The following IGSF10 variants were observed in gnomAD, a reference collection of about 807,000 sequenced individuals.
IGSF10 encodes the protein immunoglobulin superfamily member 10.
Under a neutral mutation model 128.2 loss-of-function variants are expected in IGSF10, and 126 were observed. The observed-to-expected ratio is 0.98, with a 90% CI of 0.85 to 1.14. The LOEUF is 1.14. Ranked by LOEUF, IGSF10 falls within the 50% of genes most tolerant of loss-of-function variation. The pLI, the probability that IGSF10 is intolerant of heterozygous loss-of-function variation, is 0.00. For synonymous variants in IGSF10, 1,185 were observed against 1,146.2 expected, an observed-to-expected ratio of 1.03 and a Z score of -0.68; for missense variants, 3,295 against 3,149.8, an observed-to-expected ratio of 1.05 and a Z score of -1.10.
At chr3:151,493,297 A>C in the IGSF10 span, among the ~76,000 whole-genome samples, 5 of 152,166 alleles carry the variant, frequency 3.3e-5, no homozygotes, top group African/African-American at 1.2e-4. Context: ...TCTTGTCACT[A>C]AAGTAACAAT....
the IGSF10 span, among the ~76,000 whole-genome samples, chr3:151,534,801 ATGTGTGTG>A: frequency 1.7e-4 from 26 of 149,182 alleles, no homozygotes; most frequent in South Asian, 5.0e-3. Context: ...TTTAAAGTGT[ATGTGTGTG>A]TGTGTGTGTG....
At chr3:151,564,933 T>C in the IGSF10 span, among the ~76,000 whole-genome samples, 2 of 152,188 alleles carry the variant, frequency 1.3e-5, no homozygotes, top group Admixed American at 1.3e-4. Flanking sequence ...AGATTTCTTA[T>C]AGGTATCAGT....
At chr3:151,543,657 G>T in the IGSF10 span, among the ~76,000 whole-genome samples, 1 of 152,110 alleles carries the variant, frequency 6.6e-6, no homozygotes. Flanking sequence ...TGTCAGCAGG[G>T]CAATTACACC....
In IGSF10 at chr3:151,460,290, C is replaced by T. The variant is rs1721991645; in HGVS notation, c.-31G>A. 1.0e-6 allele frequency: 1 copy of T among 982,270 alleles called. No individual in the cohort carries two copies. The highest frequency in any genetic ancestry group is 6.1e-5 in the Admixed American group (1 of 16,272). The allele number at this position is 982,270 out of a possible 1,614,324, so 60.8% of individuals were successfully genotyped here. ...GCTCTTCTTTCAGGTCCTGAGTCCT[C>T]TTGTGACATAGGCAGAGACAGAAAA... is the stretch of plus-strand genomic sequence containing the variant. On this transcript the variant is annotated 5_prime_UTR_variant, in exon 2 of 8. Coordinates refer to ENST00000282466, the MANE Select transcript of IGSF10 (RefSeq NM_178822.5).
At chr3:151,450,080 G>A (rs1336017625) in intron 5 of IGSF10, among the ~76,000 whole-genome samples, 2 of 152,200 alleles carry the variant, frequency 1.3e-5, no homozygotes, top group African/African-American at 2.4e-5. Flanking sequence ...ACATTCTGGC[G>A]AAGTCAGAGG....
At chr3:151,463,523 G>GTTTTTTTTTTTTTGTTTTTTTTT (rs1722144272), upstream of IGSF10, among the ~76,000 whole-genome samples, 1 of 31,272 alleles carries the variant, frequency 3.2e-5, no homozygotes, top group Non-Finnish European at 6.5e-5. Flanking sequence ...ACATTTTCTG[G>GTTTTTTTTTTTTTGTTTTTTTTT]TTTTTTTTTT....
At chr3:151,563,826 T>G in the IGSF10 span, among the ~76,000 whole-genome samples, 3 of 152,238 alleles carry the variant, frequency 2.0e-5, no homozygotes, top group Admixed American at 1.3e-4. Flanking sequence ...TGCTAGGCAC[T>G]GTTTTAAATG....
chr3:151,567,750 A>G, the IGSF10 span, among the ~76,000 whole-genome samples: 4 of 152,156 alleles, frequency 2.6e-5, no homozygotes, highest in Non-Finnish European at 5.9e-5. Flanking sequence ...GCCTGCTGAA[A>G]TGATTCAACA....
chr3:151,616,180 TCTCGAA>T, the IGSF10 span, among the ~76,000 whole-genome samples: 1 of 152,058 alleles, frequency 6.6e-6, no homozygotes. Context: ...GTCAGGCTGG[TCTCGAA>T]CTCCCGACCT....
the IGSF10 span, among the ~76,000 whole-genome samples, chr3:151,471,343 T>C: frequency 6.6e-6 from 1 of 152,196 alleles, no homozygotes; most frequent in Non-Finnish European, 1.5e-5. Context: ...GTGTCAGAAA[T>C]AGTGGCCCTT....
At chr3:151,571,725 C>T in the IGSF10 span, among the ~76,000 whole-genome samples, 2 of 152,284 alleles carry the variant, frequency 1.3e-5, no homozygotes, top group East Asian at 3.9e-4. Flanking sequence ...TTTCTCTTGC[C>T]TGATTGCCCT....
the IGSF10 span, among the ~76,000 whole-genome samples, chr3:151,507,880 T>C: frequency 6.6e-6 from 1 of 152,130 alleles, no homozygotes; most frequent in Non-Finnish European, 1.5e-5. Flanking sequence ...TTTTATATGG[T>C]ATAAAGAAAG....
the IGSF10 span, among the ~76,000 whole-genome samples, chr3:151,613,584 C>T: frequency 6.6e-6 from 1 of 152,044 alleles, no homozygotes; most frequent in Non-Finnish European, 1.5e-5. Context: ...AAAGGATTCC[C>T]TATTTAATAA....
rs1393831164 is a variant in IGSF10, at chr3:151,449,036, G to T, written c.945C>A (p.Ser315=). 6.2e-7 allele frequency: 1 copy of T among 1,614,072 alleles called. No homozygotes were observed. The highest frequency in any genetic ancestry group is 8.5e-7 in the Non-Finnish European group (1 of 1,180,038). Reference sequence around the variant, plus strand: ...ACTGATCTGTCATATTCAAAGTGAGGGAGCCAAAGGGTGCCATGAAACCTT... The same window carrying T: ...ACTGATCTGTCATATTCAAAGTGAGTGAGCCAAAGGGTGCCATGAAACCTT... ...SPQGFMAPFG[S]LTLNMTDQSG... The change falls in exon 6 of 8, where the codon TCC becomes TCA. Residue 315 remains serine, a synonymous_variant. Coordinates refer to ENST00000282466, the MANE Select transcript of IGSF10 (RefSeq NM_178822.5).
intron 7 of IGSF10, among the ~76,000 whole-genome samples, chr3:151,442,393 T>TTTTG (rs1553830094): frequency 8.0e-5 from 12 of 149,814 alleles, no homozygotes; most frequent in African/African-American, 3.0e-4. Context: ...TTTTTTTTTT[T>TTTTG]TTTTGAGACA....
the IGSF10 span, among the ~76,000 whole-genome samples, chr3:151,582,148 A>T: frequency 4.6e-5 from 7 of 152,134 alleles, no homozygotes; most frequent in African/African-American, 1.4e-4. Context: ...TCTAAACTGT[A>T]AATAGAACAA....
chr3:151,617,318 TCCCCTCCTCCTCCTCCCCCTCCTC>T, the IGSF10 span, among the ~76,000 whole-genome samples: 1 of 78,996 alleles, frequency 1.3e-5, no homozygotes, highest in Non-Finnish European at 2.5e-5. Context: ...TTCTTCTTCT[TCCCCTCCTCCTCCTCCCCCTCCTC>T]CTCCTCCTCC....
the IGSF10 span, among the ~76,000 whole-genome samples, chr3:151,504,252 A>G: frequency 6.6e-6 from 1 of 152,158 alleles, no homozygotes; most frequent in Non-Finnish European, 1.5e-5. Flanking sequence ...TAAAGGCAAG[A>G]TGGAGTTGGT....
At chr3:151,570,130 A>G in the IGSF10 span, among the ~76,000 whole-genome samples, 1 of 152,120 alleles carries the variant, frequency 6.6e-6, no homozygotes, top group Admixed American at 6.5e-5. Context: ...AATCCAGTCT[A>G]TCATTGTTGG....
Sources: gnomAD v4.1 joint callset for allele counts (sites outside exome capture counted in the v4.1 genomes callset) on GRCh38, gnomAD v4.1.1 for gene constraint, MANE v1.5 for transcripts, NCBI Gene and HGNC (gene_info 2026-07-23, HGNC 2026-07-21) for gene names.